The following LIG1 variants were observed in gnomAD, a reference collection of about 807,000 sequenced individuals.
The protein encoded by LIG1 is ligase I, DNA, ATP-dependent.
A neutral mutation model predicts 115.7 loss-of-function variants in LIG1; 70 were observed. The ratio of observed to expected loss-of-function variants is 0.60; its 90% CI spans 0.50 to 0.74. The LOEUF is 0.74. LIG1 is among the 30% of genes least tolerant of loss of function. LIG1 has a pLI of 0.00. For synonymous variants in LIG1, 487 were observed against 495.3 expected (o/e 0.98, Z 0.22); for missense variants, 1,115 against 1,225.6 (o/e 0.91, Z 1.35).
intron 14 of LIG1, 28 bp from the exon 15 acceptor site, chr19:48,136,153 G>A: frequency 2.0e-6 from 3 of 1,525,840 alleles, no homozygotes; most frequent in African/African-American, 1.4e-5. Flanking sequence ...CAGGGAAGGG[G>A]GCTTGTCTGC....
chr19:48,163,201 T>A (rs34430527), intron 2 of LIG1, among the ~76,000 whole-genome samples: 80,321 of 151,102 alleles, frequency 0.53, 21,514 homozygotes, highest in East Asian at 0.68. Context: ...TACAGGCATG[T>A]GCCCCCGCGC....
At chr19:48,130,461 C>T (rs943695403) in intron 19 of LIG1, among the ~76,000 whole-genome samples, 1 of 152,258 alleles carries the variant, frequency 6.6e-6, no homozygotes, top group Non-Finnish European at 1.5e-5. Flanking sequence ...AGGCCCAGCC[C>T]TGTATGACTC....
chr19:48,139,907 A>ACCTC lies in LIG1; in HGVS notation c.1087+60_1087+63dup, dbSNP rs2034629611. 19 of 1,564,220 alleles carry ACCTC rather than the reference A, an allele frequency of 1.2e-5. No individual in the cohort carries two copies. The Middle Eastern group carries it at 5.0e-4, about 41-fold the overall frequency. On this transcript the variant is annotated intron_variant, in intron 12 of 27. Coordinates refer to ENST00000263274, the MANE Select transcript of LIG1 (RefSeq NM_000234.3). ...CTCCACCATCTCTCCGATCCACCTG[A>ACCTC]CCTCTGCATTTTCTCTGGCTGAGCT...
chr19:48,148,199 TGTG>T (rs1446048170), intron 9 of LIG1, among the ~76,000 whole-genome samples: 1 of 151,466 alleles, frequency 6.6e-6, no homozygotes, highest in Non-Finnish European at 1.5e-5. Context: ...GGAGGCTGGG[TGTG>T]GTGGCTCACG....
intron 19 of LIG1, among the ~76,000 whole-genome samples, chr19:48,128,752 C>T (rs1043126090): frequency 2.0e-5 from 3 of 152,220 alleles, no homozygotes; most frequent in Non-Finnish European, 4.4e-5. Flanking sequence ...TTCCCTGACA[C>T]CAAGTCTAAG....
intron 14 of LIG1, among the ~76,000 whole-genome samples, chr19:48,136,601 G>A (rs186345047): frequency 6.6e-6 from 1 of 152,288 alleles, no homozygotes; most frequent in African/African-American, 2.4e-5. Context: ...CAGAGTTGCT[G>A]GTAGGAACTG....
intron 1 of LIG1, 78 bp from the exon 2 acceptor site, chr19:48,165,701 G>GAAAA: frequency 1.2e-6 from 1 of 861,432 alleles, no homozygotes; most frequent in South Asian, 1.6e-5. Context: ...CTTTCTTTAA[G>GAAAA]AAAGAAAGAA....
chr19:48,131,441 G>C (rs2034018453), intron 18 of LIG1, among the ~76,000 whole-genome samples: 1 of 152,164 alleles, frequency 6.6e-6, no homozygotes, highest in Admixed American at 6.5e-5. Context: ...GTGCTGATTT[G>C]TTTAAATGTC....
At chr19:48,132,455 C>G (rs914571703) in intron 18 of LIG1, among the ~76,000 whole-genome samples, 1 of 152,000 alleles carries the variant, frequency 6.6e-6, no homozygotes, top group African/African-American at 2.4e-5. Flanking sequence ...GGTCAGGACT[C>G]TGGAGGATTG....
rs1023825276 is a variant in LIG1, at chr19:48,122,417, G to A, written c.2232+517C>T. The A allele has an allele frequency of 5.3e-6, 1 of 188,176 alleles. No homozygotes were observed. The highest frequency in any genetic ancestry group is 1.1e-5 in the Non-Finnish European group (1 of 88,986). 11.7% of individuals were successfully genotyped at this position (188,176 alleles called of 1,614,324 possible). ...CCACTCTGAGCTCACCTCCCGCCTC[G>A]CCTGCCCTTGCTCCCTGCACACGCA... On this transcript the variant is annotated intron_variant, in intron 23 of 27. Coordinates refer to ENST00000263274, the MANE Select transcript of LIG1 (RefSeq NM_000234.3). This position sits in a 1 kb window ranked among gnomAD's most constrained non-coding sequence, Gnocchi z 4.3.
At chr19:48,128,053 G>A (rs767591248) in intron 19 of LIG1, 33 bp from the exon 20 acceptor site, 5 of 1,547,510 alleles carry the variant, frequency 3.2e-6, no homozygotes, top group Non-Finnish European at 4.5e-6. Flanking sequence ...CAGGGCCTGA[G>A]AGAGGTGGAA....
chr19:48,117,982 A>T (rs2032986169), intron 25 of LIG1: 1 of 620,292 alleles, frequency 1.6e-6, no homozygotes, highest in African/African-American at 1.8e-5. Flanking sequence ...AGAAAGTGAA[A>T]GAAGGGAAAA....
At chr19:48,157,500 G>A (rs1280447171) in intron 4 of LIG1, among the ~76,000 whole-genome samples, 1 of 152,010 alleles carries the variant, frequency 6.6e-6, no homozygotes, top group Non-Finnish European at 1.5e-5. Context: ...TCTACACAAT[G>A]GGATGTCAGG....
chr19:48,120,109 TAA>T, intron 24 of LIG1: 1 of 888,492 alleles, frequency 1.1e-6, no homozygotes, highest in Non-Finnish European at 1.3e-6. Context: ...TTGTGATTTA[TAA>T]AAGTCACTTC....
In LIG1 at chr19:48,165,543, T is replaced by C. The variant is rs1480828319; in HGVS notation, c.17+7A>G. On this transcript the variant is annotated splice_region_variant and intron_variant, in intron 2 of 27. Transcript: ENST00000263274. ...GGAAAGACTCAGGGGCAAGGGAGGGTGCTCACATGATACTTCGCTGCATGT... is the reference window on the plus strand; with the variant it reads ...GGAAAGACTCAGGGGCAAGGGAGGGCGCTCACATGATACTTCGCTGCATGT... The C allele has an allele frequency of 3.1e-6, 5 of 1,607,182 alleles. No homozygotes were observed. Among genetic ancestry groups the C allele is most frequent in the Admixed American group, 1.7e-5 (1 of 59,954 alleles).
intron 1 of LIG1, 29 bp downstream of exon 1, chr19:48,170,212 C>T (rs975349785): frequency 4.4e-6 from 2 of 455,150 alleles, no homozygotes; most frequent in Non-Finnish European, 8.8e-6. Flanking sequence ...CCCTCCGCCT[C>T]CCATCTGCTT....
intron 9 of LIG1, among the ~76,000 whole-genome samples, chr19:48,144,212 T>C (rs775044905): frequency 6.6e-5 from 10 of 151,698 alleles, no homozygotes; most frequent in Non-Finnish European, 1.3e-4. Flanking sequence ...GAAAGCCGAG[T>C]AGAGGAAGAG....
In LIG1 at chr19:48,162,259, T is replaced by G. The variant is rs1381331076; in HGVS notation, c.107+3A>C. 6.2e-7 allele frequency: 1 copy of G among 1,611,274 alleles called. No homozygotes were observed. On this transcript the variant is annotated splice_donor_region_variant and intron_variant, in intron 3 of 27. Coordinates refer to ENST00000263274, the MANE Select transcript of LIG1 (RefSeq NM_000234.3). Reference sequence around the variant, plus strand: ...TTCACCATATCCCAGCCCTGTGACATACTTTGGAGGGGGCTCCGTCTCTCT... The same window carrying G: ...TTCACCATATCCCAGCCCTGTGACAGACTTTGGAGGGGGCTCCGTCTCTCT...
chr19:48,156,225 A>G (rs1295341659), intron 5 of LIG1, among the ~76,000 whole-genome samples: 1 of 152,064 alleles, frequency 6.6e-6, no homozygotes, highest in Non-Finnish European at 1.5e-5. Flanking sequence ...CTTGCCTAGC[A>G]TGCTCCCCTC....
Sources: allele counts gnomAD v4.1 joint callset (sites outside exome capture counted in the v4.1 genomes callset), GRCh38; gene constraint gnomAD v4.1.1; non-coding constraint Gnocchi (gnomAD v3.1); transcripts MANE v1.5; gene names NCBI Gene and HGNC (gene_info 2026-07-23, HGNC 2026-07-21).